The following AGMO variants were observed in gnomAD, a reference collection of about 807,000 sequenced individuals.
AGMO encodes the protein alkylglycerol monooxygenase.
Under a neutral mutation model 60.2 loss-of-function variants are expected in AGMO, and 75 were observed. The ratio of observed to expected loss-of-function variants is 1.25; its 90% CI spans 1.03 to 1.51. The LOEUF is 1.51. AGMO is among the 40% of genes most tolerant of loss of function. The probability of loss-of-function intolerance (pLI) is 0.00; values close to 1 mark genes in which losing one functional copy is unlikely to be tolerated. For synonymous variants in AGMO, 261 were observed against 177.1 expected, an observed-to-expected ratio of 1.47 and a Z score of -3.76; for missense variants, 763 against 525.5, an observed-to-expected ratio of 1.45 and a Z score of -4.42.
intron 12 of AGMO, among the ~76,000 whole-genome samples, chr7:15,234,945 C>A (rs1030854583): frequency 6.6e-6 from 1 of 152,128 alleles, no homozygotes. Flanking sequence ...TCTCTCCCTA[C>A]TTTTTCCGTT....
At chr7:15,285,422 T>C (rs1421120597) in intron 12 of AGMO, among the ~76,000 whole-genome samples, 4 of 152,044 alleles carry the variant, frequency 2.6e-5, no homozygotes, top group Non-Finnish European at 5.9e-5. Context: ...CACTTCTATA[T>C]ACCAACAATG....
chr7:15,152,222 TTTTG>T, the AGMO span, among the ~76,000 whole-genome samples: 2 of 152,276 alleles, frequency 1.3e-5, no homozygotes, highest in East Asian at 3.9e-4. Context: ...TCTTTTTTTG[TTTTG>T]TTTTTGTTTT....
chr7:15,380,704 A>G (rs73302352), intron 10 of AGMO, among the ~76,000 whole-genome samples: 5,620 of 152,274 alleles, frequency 0.037, 354 homozygotes, highest in African/African-American at 0.13. Flanking sequence ...TGGAACCAAT[A>G]AAAGAGCCCG....
intron 12 of AGMO, among the ~76,000 whole-genome samples, chr7:15,322,060 A>G (rs1354294925): frequency 6.6e-6 from 1 of 151,972 alleles, no homozygotes; most frequent in Non-Finnish European, 1.5e-5. Flanking sequence ...AGTCTCAGCT[A>G]CTCAGGAGTC....
chr7:15,391,323 G>T (rs575765050), intron 6 of AGMO, among the ~76,000 whole-genome samples: 1 of 151,838 alleles, frequency 6.6e-6, no homozygotes, highest in African/African-American at 2.4e-5. Context: ...CTTTTTAACT[G>T]CATCTGTTTC....
chr7:15,156,828 G>A, the AGMO span, among the ~76,000 whole-genome samples: 7 of 152,036 alleles, frequency 4.6e-5, no homozygotes, highest in Non-Finnish European at 8.8e-5. Flanking sequence ...AGTGGAAAAA[G>A]CTCTTCTTAG....
At chr7:15,142,902 C>G in the AGMO span, among the ~76,000 whole-genome samples, 2 of 152,162 alleles carry the variant, frequency 1.3e-5, no homozygotes, top group Admixed American at 6.5e-5. Flanking sequence ...ATTTAATCCT[C>G]ACAACCACGT....
intron 12 of AGMO, among the ~76,000 whole-genome samples, chr7:15,336,211 A>G (rs1781654793): frequency 6.6e-6 from 1 of 152,104 alleles, no homozygotes; most frequent in African/African-American, 2.4e-5. Flanking sequence ...TTATAGCACA[A>G]ATTATGATGG....
chr7:15,162,294 T>C, the AGMO span, among the ~76,000 whole-genome samples: 6 of 152,148 alleles, frequency 3.9e-5, no homozygotes, highest in Non-Finnish European at 8.8e-5. Context: ...AATGGACTAA[T>C]ACACCTTTAA....
chr7:15,287,820 A>G (rs180875108), intron 12 of AGMO, among the ~76,000 whole-genome samples: 34 of 152,188 alleles, frequency 2.2e-4, no homozygotes, highest in Admixed American at 3.3e-4. Context: ...CCTTTTGAAT[A>G]CATTACCAAA....
At chr7:15,320,143 G>A (rs7777967) in intron 12 of AGMO, among the ~76,000 whole-genome samples, 87,940 of 150,592 alleles carry the variant, frequency 0.58, 26,718 homozygotes, top group African/African-American at 0.76. Context: ...GGATAGCATT[G>A]GGAGATATAC....
rs73679479 is a variant in AGMO at position 15,347,951 on chromosome 7, A to G, written c.1263+17563T>C. On this transcript the variant is annotated intron_variant, in intron 12 of 12. Transcript: ENST00000342526. Reference sequence around the variant, plus strand: ...ATCTTTATGTCAAAAGCAACTGCTTATAACTTTTCTTGACTTTACTCTTAC... The same window carrying G: ...ATCTTTATGTCAAAAGCAACTGCTTGTAACTTTTCTTGACTTTACTCTTAC... Among the ~76,000 whole-genome samples the G allele has an allele frequency of 4.7e-3, 712 of 152,198 alleles. 3 individuals are homozygous for G. The highest frequency in any genetic ancestry group is 0.016 in the African/African-American group (678 of 41,564).
intron 2 of AGMO, among the ~76,000 whole-genome samples, chr7:15,552,922 A>G (rs1337133612): frequency 6.6e-6 from 1 of 151,386 alleles, no homozygotes; most frequent in Non-Finnish European, 1.5e-5. Flanking sequence ...GAACCAACCC[A>G]AATGTCCAAC....
chr7:15,358,453 G>C (rs542868147), intron 12 of AGMO: 40 of 470,822 alleles, frequency 8.5e-5, no homozygotes, highest in Non-Finnish European at 1.4e-4. Context: ...TTCCTAAAGG[G>C]TGAGATACGT....
At chr7:15,251,476 G>A (rs984107597) in intron 12 of AGMO, among the ~76,000 whole-genome samples, 1 of 152,174 alleles carries the variant, frequency 6.6e-6, no homozygotes, top group African/African-American at 2.4e-5. Context: ...CTAGACTTGA[G>A]AACAAAAGAG....
the AGMO span, among the ~76,000 whole-genome samples, chr7:15,190,971 G>A: frequency 6.6e-6 from 1 of 151,970 alleles, no homozygotes; most frequent in East Asian, 1.9e-4. Flanking sequence ...AAATTGGCAT[G>A]AGAGTCTAAA....
chr7:15,468,496 C>A (rs1355393729), intron 3 of AGMO, among the ~76,000 whole-genome samples: 5 of 151,832 alleles, frequency 3.3e-5, no homozygotes, highest in African/African-American at 7.3e-5. Flanking sequence ...ATGTTTTAAA[C>A]ATGTAATAAT....
chr7:15,299,567 T>C (rs1784500623), intron 12 of AGMO, among the ~76,000 whole-genome samples: 1 of 152,148 alleles, frequency 6.6e-6, no homozygotes, highest in South Asian at 2.1e-4. Context: ...GGCTCATGTC[T>C]GTAATTCTAG....
At chr7:15,299,857 ACACACACACACACACACACACACACACAC>A (rs1563075505) in intron 12 of AGMO, among the ~76,000 whole-genome samples, 13 of 150,664 alleles carry the variant, frequency 8.6e-5, no homozygotes, top group Non-Finnish European at 1.3e-4. Context: ...ACACACACAC[ACACACACACACACACACACACACACACAC>A]AGTATGTTTT....
Sources: gnomAD v4.1 joint callset for allele counts (sites outside exome capture counted in the v4.1 genomes callset) on GRCh38, gnomAD v4.1.1 for gene constraint, MANE v1.5 for transcripts, NCBI Gene and HGNC (gene_info 2026-07-23, HGNC 2026-07-21) for gene names.